RGS22: variants seen among roughly 807,000 people sequenced by gnomAD.
RGS22 encodes the protein regulator of G-protein signaling 22.
RGS22 carries 148 observed loss-of-function variants against 172.9 expected under a neutral mutation model. The observed-to-expected ratio is 0.86, with a 90% CI of 0.75 to 0.98. The LOEUF is 0.98. RGS22 is among the 50% of genes least tolerant of loss of function. The probability of loss-of-function intolerance (pLI) is 0.00; values close to 1 mark genes in which losing one functional copy is unlikely to be tolerated. For missense variants in RGS22, 1,347 were observed against 1,440.8 expected (o/e 0.93, Z 1.05); for synonymous variants, 458 against 480.2 (o/e 0.95, Z 0.60).
At chr8:100,087,013 A>G (rs898840760) in intron 3 of RGS22, among the ~76,000 whole-genome samples, 1 of 152,136 alleles carries the variant, frequency 6.6e-6, no homozygotes, top group Non-Finnish European at 1.5e-5. Context: ...CCCAGGAGAA[A>G]GAGCCCTGGT....
intron 6 of RGS22, among the ~76,000 whole-genome samples, chr8:100,069,804 A>G (rs1810810767): frequency 6.6e-6 from 1 of 152,006 alleles, no homozygotes; most frequent in Non-Finnish European, 1.5e-5. Flanking sequence ...AATTAAAGGG[A>G]GCAGAGCACC....
rs765010688 is a variant in RGS22 at position 99,962,756 on chromosome 8, G to T, written c.3721C>A (p.Leu1241Ile). The change falls in exon 26 of 28, where the codon CTC becomes ATC. Residue 1241 changes from leucine (L) to isoleucine (I), a missense_variant. Leu to Ile is a conservative substitution (Grantham distance 5, BLOSUM62 2). Coordinates refer to ENST00000360863, the MANE Select transcript of RGS22 (RefSeq NM_015668.5). ...GAAGAGCTAGCCTTAAAATTTGTGA[G>T]AGGTTGCAAGCCTGCACAAAAATAA... ...EKKLFAGLQP[L>I]TNFKASSSTM... is the part of the protein sequence containing the mutation. 6.2e-7 allele frequency: 1 copy of T among 1,611,396 alleles called. No homozygotes were observed. The highest frequency in any genetic ancestry group is 8.5e-7 in the Non-Finnish European group (1 of 1,179,246).
chr8:100,058,269 T>C (rs1373061478), intron 9 of RGS22, among the ~76,000 whole-genome samples: 1 of 150,226 alleles, frequency 6.7e-6, no homozygotes, highest in Non-Finnish European at 1.5e-5. Flanking sequence ...AGAAAAGAGA[T>C]AGGGGTAGAA....
intron 14 of RGS22, among the ~76,000 whole-genome samples, chr8:100,034,732 T>C (rs1819248180): frequency 6.6e-6 from 1 of 150,496 alleles, no homozygotes; most frequent in African/African-American, 2.4e-5. Flanking sequence ...AAGTCTACAG[T>C]AGTATGGTAC....
chr8:100,044,868 T>C (rs188921366), intron 11 of RGS22, among the ~76,000 whole-genome samples: 2 of 152,300 alleles, frequency 1.3e-5, no homozygotes, highest in East Asian at 1.9e-4. Context: ...GTTTTGAACA[T>C]GTATATCCCA....
chr8:99,983,434 G>A (rs902302895), intron 21 of RGS22, among the ~76,000 whole-genome samples: 10 of 152,042 alleles, frequency 6.6e-5, no homozygotes, highest in African/African-American at 2.2e-4. Context: ...GTGTGCAAGT[G>A]CCCCCTTTTC....
intron 9 of RGS22, 38 bp downstream of exon 9, chr8:100,062,553 G>C (rs1187580723): frequency 7.1e-7 from 1 of 1,405,958 alleles, no homozygotes; most frequent in Non-Finnish European, 9.9e-7. Flanking sequence ...ACTGGCGTAA[G>C]GAAAGTGAAA....
chr8:100,105,831 G>T, intron 1 of RGS22, 66 bp downstream of exon 1: 1 of 1,389,516 alleles, frequency 7.2e-7, no homozygotes, highest in Admixed American at 2.4e-5. Context: ...AAAGTCCAGA[G>T]GCTGGCGCGT....
chr8:100,063,587 G>C lies in RGS22; in HGVS notation c.1181C>G (p.Pro394Arg). The change falls in exon 8 of 28, where the codon CCA becomes CGA. Residue 394 changes from proline (P) to arginine (R), a missense_variant. Coordinates refer to ENST00000360863, the MANE Select transcript of RGS22 (RefSeq NM_015668.5). ...SLSSKNESAG[P>R]ESRADWCISH... is the part of the protein sequence containing the mutation. Reference sequence around the variant, plus strand: ...AATACACCAGTCCGCCCTGCTCTCTGGTCCAGCGCTCTCATTCTTTGAACT... The same window carrying C: ...AATACACCAGTCCGCCCTGCTCTCTCGTCCAGCGCTCTCATTCTTTGAACT... 6.2e-7 allele frequency: 1 copy of C among 1,613,942 alleles called. No homozygotes were observed. Among genetic ancestry groups the C allele is most frequent in the Non-Finnish European group, 8.5e-7 (1 of 1,179,950 alleles).
intron 3 of RGS22, among the ~76,000 whole-genome samples, chr8:100,081,699 C>A (rs1289069892): frequency 6.6e-6 from 1 of 152,004 alleles, no homozygotes; most frequent in Non-Finnish European, 1.5e-5. Context: ...TATGCTATCA[C>A]TTAACTAAAG....
At chr8:100,000,734 C>T (rs77165699) in intron 18 of RGS22, among the ~76,000 whole-genome samples, 4,452 of 152,220 alleles carry the variant, frequency 0.029, 213 homozygotes, top group African/African-American at 0.1. Context: ...TTATTTCATA[C>T]TTGTGCTTAT....
At chr8:99,978,097 A>G in intron 22 of RGS22, 22 bp from the exon 23 acceptor site, 1 of 1,432,388 alleles carries the variant, frequency 7.0e-7, no homozygotes, top group Non-Finnish European at 9.3e-7. Flanking sequence ...AAAGTCTAAG[A>G]TTACAATTTT....
intron 21 of RGS22, among the ~76,000 whole-genome samples, chr8:99,987,257 A>G (rs1813194981): frequency 6.6e-6 from 1 of 152,084 alleles, no homozygotes; most frequent in South Asian, 2.1e-4. Context: ...TCCAGGGCTC[A>G]CTCTTACTCT....
intron 9 of RGS22, among the ~76,000 whole-genome samples, chr8:100,060,918 T>C (rs1336106452): frequency 6.6e-6 from 1 of 152,108 alleles, no homozygotes; most frequent in Non-Finnish European, 1.5e-5. Context: ...ATTCAAACTA[T>C]ACTACAGGTC....
intron 15 of RGS22, 86 bp from the exon 16 acceptor site, chr8:100,006,195 A>G (rs1485928089): frequency 5.9e-6 from 6 of 1,016,580 alleles, no homozygotes; most frequent in African/African-American, 4.9e-5. Flanking sequence ...ACAGTTGCCA[A>G]TAAAGGAAAT....
intron 4 of RGS22, among the ~76,000 whole-genome samples, chr8:100,073,889 T>C (rs1041678802): frequency 1.3e-5 from 2 of 152,104 alleles, no homozygotes; most frequent in African/African-American, 4.8e-5. Flanking sequence ...AAATAAAAAA[T>C]TGAAGAAAAG....
chr8:100,007,661 G>T (rs754241560), intron 15 of RGS22, among the ~76,000 whole-genome samples: 13 of 151,680 alleles, frequency 8.6e-5, no homozygotes, highest in Non-Finnish European at 1.6e-4. Flanking sequence ...TAGCAAGAAG[G>T]GCATATTTAC....
chr8:100,041,746 G>A, intron 12 of RGS22, 56 bp downstream of exon 12: 1 of 888,182 alleles, frequency 1.1e-6, no homozygotes, highest in Non-Finnish European at 1.8e-6. Flanking sequence ...CTAAAATCAG[G>A]AGATACTGAT....
chr8:100,030,137 G>A (rs1818634331), intron 14 of RGS22, among the ~76,000 whole-genome samples: 1 of 152,138 alleles, frequency 6.6e-6, no homozygotes, highest in South Asian at 2.1e-4. Context: ...ATACAATGGT[G>A]GTCTCATAAT....
Sources: gnomAD v4.1 joint callset for allele counts (sites outside exome capture counted in the v4.1 genomes callset) on GRCh38, gnomAD v4.1.1 for gene constraint, MANE v1.5 for transcripts, NCBI Gene and HGNC (gene_info 2026-07-23, HGNC 2026-07-21) for gene names.